Variants in CMC1 observed in about 807,000 individuals in gnomAD.
CMC1 encodes the protein COX assembly mitochondrial protein homolog.
CMC1 carries 14 observed loss-of-function variants against 14.1 expected under a neutral mutation model. That is an observed-to-expected ratio of 0.99 (90% CI 0.66 to 1.55). The LOEUF is 1.55. Among genes scored for constraint, CMC1 ranks in the 40% most tolerant of loss-of-function variants. CMC1 has a pLI of 0.00. For synonymous variants in CMC1, 50 were observed against 38.4 expected (o/e 1.30, Z -1.12); for missense variants, 127 against 123.8 (o/e 1.03, Z -0.12).
intron 2 of CMC1, among the ~76,000 whole-genome samples, chr3:28,275,408 C>T (rs1700530322): frequency 6.7e-6 from 1 of 148,620 alleles, no homozygotes; most frequent in African/African-American, 2.5e-5. Context: ...CCGCTTCAGA[C>T]CCTATTTACC....
intron 2 of CMC1, among the ~76,000 whole-genome samples, chr3:28,275,999 T>C (rs573692494): frequency 1.5e-4 from 23 of 152,300 alleles, no homozygotes; most frequent in Admixed American, 3.3e-4. Flanking sequence ...GGAGCTGCAG[T>C]GGTGGCTGCT....
chr3:28,249,455 C>G (rs1417575009), intron 1 of CMC1, among the ~76,000 whole-genome samples: 2 of 152,134 alleles, frequency 1.3e-5, no homozygotes, highest in Admixed American at 6.5e-5. Flanking sequence ...TTACCATATG[C>G]TAGGAGTTAG....
At chr3:28,316,241 CTTT>C in intron 2 of CMC1, 89 bp from the exon 3 acceptor site, 1 of 529,648 alleles carries the variant, frequency 1.9e-6, no homozygotes, top group Non-Finnish European at 3.1e-6. Flanking sequence ...GACAGGCTTT[CTTT>C]TTTTTTTTCT....
intron 1 of CMC1, among the ~76,000 whole-genome samples, chr3:28,254,762 ATG>A (rs1329140641): frequency 6.6e-6 from 1 of 152,228 alleles, no homozygotes; most frequent in East Asian, 1.9e-4. Context: ...AAAATTATAT[ATG>A]TGAAAAAAAG....
Position 28,268,045 on chromosome 3 carries a change from A to G in CMC1, c.109+4665A>G, listed in dbSNP as rs575613851. Among the ~76,000 whole-genome samples, 5 of 152,208 alleles carry G rather than the reference A, an allele frequency of 3.3e-5. No homozygotes were observed. The South Asian group carries it at 8.3e-4, about 25-fold the overall frequency. On this transcript the variant is annotated intron_variant, in intron 2 of 3. Coordinates refer to ENST00000466830, the MANE Select transcript of CMC1 (RefSeq NM_182523.2). ...TCTTGAGACTGGTTTTGATATACTA[A>G]AAGGAAAATAATCACCGCATATGAT...
rs937243409 is a variant in CMC1, at chr3:28,295,759, C to T, written c.110-20574C>T. 2.0e-5 allele frequency among the ~76,000 whole-genome samples: 3 copies of T among 152,104 alleles called. No homozygotes were observed. In the South Asian group the frequency reaches 6.2e-4, roughly 31 times the overall value. On this transcript the variant is annotated intron_variant, in intron 2 of 3. Coordinates refer to ENST00000466830, the MANE Select transcript of CMC1 (RefSeq NM_182523.2). Reference sequence around the variant, plus strand: ...AATATACAGTTTCCCTCGGTATCCACAGGGGATTAGTTACAGGATGCCCGT... The same window carrying T: ...AATATACAGTTTCCCTCGGTATCCATAGGGGATTAGTTACAGGATGCCCGT...
intron 2 of CMC1, among the ~76,000 whole-genome samples, chr3:28,305,096 A>G (rs1282817071): frequency 6.6e-6 from 1 of 151,914 alleles, no homozygotes; most frequent in Non-Finnish European, 1.5e-5. Context: ...CTTCCCTCCC[A>G]TTTTGGACTC....
intron 2 of CMC1, among the ~76,000 whole-genome samples, chr3:28,294,853 C>T (rs764102605): frequency 6.6e-6 from 1 of 152,058 alleles, no homozygotes; most frequent in Non-Finnish European, 1.5e-5. Context: ...AGACAGGATT[C>T]GGGTTGCCTA....
At chr3:28,267,623 ATTTG>A (rs1265650358) in intron 2 of CMC1, among the ~76,000 whole-genome samples, 2 of 152,194 alleles carry the variant, frequency 1.3e-5, no homozygotes, top group African/African-American at 2.4e-5. Flanking sequence ...AGCATGGGTT[ATTTG>A]TTTGTTTGAA....
At chr3:28,275,751 C>T (rs1393167540) in intron 2 of CMC1, among the ~76,000 whole-genome samples, 1 of 152,148 alleles carries the variant, frequency 6.6e-6, no homozygotes, top group Non-Finnish European at 1.5e-5. Flanking sequence ...ATCGTAGCCG[C>T]CCTTGCCCCC....
chr3:28,292,559 G>C lies in CMC1; in HGVS notation c.110-23774G>C, dbSNP rs567357138. Among the ~76,000 whole-genome samples the C allele has an allele frequency of 5.9e-5, 9 of 152,162 alleles. 1 individual carries two copies. The East Asian group carries it at 1.7e-3, about 29-fold the overall frequency. ...TGGGTTTTTACTTCAGCTTACTTTAGTGATGATAGTCTCATTCCCTTTCTT... is the reference window on the plus strand; with the variant it reads ...TGGGTTTTTACTTCAGCTTACTTTACTGATGATAGTCTCATTCCCTTTCTT... On this transcript the variant is annotated intron_variant, in intron 2 of 3. Coordinates refer to ENST00000466830, the MANE Select transcript of CMC1 (RefSeq NM_182523.2).
chr3:28,274,206 G>GTTTTATTTTTTTTTTTTTTT (rs1700440974), intron 2 of CMC1, among the ~76,000 whole-genome samples: 1 of 83,096 alleles, frequency 1.2e-5, no homozygotes, highest in Non-Finnish European at 2.5e-5. Flanking sequence ...GTACTAAAGT[G>GTTTTATTTTTTTTTTTTTTT]TTTTTGTTTT....
intron 1 of CMC1, among the ~76,000 whole-genome samples, chr3:28,251,966 G>A (rs1033857556): frequency 6.6e-6 from 1 of 152,250 alleles, no homozygotes; most frequent in African/African-American, 2.4e-5. Flanking sequence ...GCTTGTAGGC[G>A]CAAAGACAGT....
chr3:28,279,940 A>G (rs1393847462), intron 2 of CMC1, among the ~76,000 whole-genome samples: 1 of 152,192 alleles, frequency 6.6e-6, no homozygotes, highest in East Asian at 1.9e-4. Flanking sequence ...AACTACGTAA[A>G]CAAAAAAGGC....
chr3:28,322,875 A>C lies in CMC1; in HGVS notation c.*3246A>C, dbSNP rs1412687435. On this transcript the variant is annotated 3_prime_UTR_variant, in exon 4 of 4. Transcript: ENST00000466830. ...AGATATATGAAACTGTCTATCAAAA[A>C]GGATAAAAGTCCTCCTACATGAAAT... 1 of 151,226 alleles carries C rather than the reference A, an allele frequency of 6.6e-6. No individual in the cohort carries two copies. Among genetic ancestry groups the C allele is most frequent in the Non-Finnish European group, 1.5e-5 (1 of 67,416 alleles). The allele number at this position is 151,226 out of a possible 1,614,324, so 9.4% of individuals were successfully genotyped here. A position where few individuals can be genotyped will look rare whatever the true frequency, so the allele number is the denominator to read the frequency against.
chr3:28,303,779 C>T (rs1385315909), intron 2 of CMC1, among the ~76,000 whole-genome samples: 1 of 152,038 alleles, frequency 6.6e-6, no homozygotes, highest in Admixed American at 6.6e-5. Flanking sequence ...TACAGTTATT[C>T]ATTTATATAC....
chr3:28,280,721 G>A (rs1700842786), intron 2 of CMC1, among the ~76,000 whole-genome samples: 1 of 152,176 alleles, frequency 6.6e-6, no homozygotes, highest in Non-Finnish European at 1.5e-5. Flanking sequence ...TGCCAAAAAT[G>A]TAGTTGTCAG....
Position 28,321,784 on chromosome 3 carries a change from C to G in CMC1, c.*2155C>G, listed in dbSNP as rs1233441739. ...TTTTAAGAATTCAGTTCCATTTTGG[C>G]AGCAACTCAGTAAGTCTTACAGATG... On this transcript the variant is annotated 3_prime_UTR_variant, in exon 4 of 4. Transcript: ENST00000466830. The G allele has an allele frequency of 6.6e-6, 1 of 151,324 alleles. No homozygotes were observed. Among genetic ancestry groups the G allele is most frequent in the Non-Finnish European group, 1.5e-5 (1 of 67,512 alleles). 9.4% of individuals were successfully genotyped at this position (151,324 alleles called of 1,614,324 possible).
In CMC1 at chr3:28,241,693, C is replaced by T; in HGVS notation, c.-101C>T. The T allele has an allele frequency of 8.1e-7, 1 of 1,236,906 alleles. No homozygotes were observed. The highest frequency in any genetic ancestry group is 1.0e-6 in the Non-Finnish European group (1 of 987,942). 76.6% of individuals were successfully genotyped at this position (1,236,906 alleles called of 1,614,324 possible). A position where few individuals can be genotyped will look rare whatever the true frequency, so the allele number is the denominator to read the frequency against. On this transcript the variant is annotated 5_prime_UTR_variant, in exon 1 of 4. Transcript: ENST00000466830. ...CCGTGTTTCTGTTGCGGGAAGCTCC[C>T]GGGGGTCGCACGTGCGTCCGAGCCC...
Sources: allele counts gnomAD v4.1 joint callset (sites outside exome capture counted in the v4.1 genomes callset), GRCh38; gene constraint gnomAD v4.1.1; transcripts MANE v1.5; gene names NCBI Gene and HGNC (gene_info 2026-07-23, HGNC 2026-07-21).